The following NALCN variants were observed in gnomAD, a reference collection of about 807,000 sequenced individuals.
The protein encoded by NALCN is sodium leak channel NALCN.
In NALCN, 111 loss-of-function variants were observed where a neutral mutation model predicts 225.3. The ratio of observed to expected loss-of-function variants is 0.49; its 90% CI spans 0.42 to 0.58. The LOEUF (loss-of-function observed/expected upper bound fraction) is 0.58. Ranked by LOEUF, NALCN falls within the 20% of genes least tolerant of loss-of-function variation. NALCN has a pLI of 0.00. For missense variants in NALCN, 1,378 were observed against 2,202.4 expected (o/e 0.63, Z 7.49); for synonymous variants, 764 against 769.0 (o/e 0.99, Z 0.11).
chr13:101,118,158 G>C (rs185872922), intron 18 of NALCN, among the ~76,000 whole-genome samples: 2 of 152,140 alleles, frequency 1.3e-5, no homozygotes, highest in African/African-American at 2.4e-5. Flanking sequence ...GATAGTTGGG[G>C]AGACTGTGCC....
At chr13:101,106,090 G>A (rs1212046137) in intron 22 of NALCN, among the ~76,000 whole-genome samples, 1 of 152,176 alleles carries the variant, frequency 6.6e-6, no homozygotes, top group Non-Finnish European at 1.5e-5. Context: ...TGAGGGCTGT[G>A]AGGGAAAACC....
At chr13:101,101,826 A>T (rs552259894) in intron 26 of NALCN, among the ~76,000 whole-genome samples, 2 of 152,286 alleles carry the variant, frequency 1.3e-5, no homozygotes, top group East Asian at 3.9e-4. Flanking sequence ...AATAACCTAA[A>T]CATATACCTA....
intron 10 of NALCN, among the ~76,000 whole-genome samples, chr13:101,269,052 A>G (rs2042687711): frequency 1.3e-5 from 2 of 152,200 alleles, no homozygotes. Context: ...GACTTGGAAG[A>G]AAAATTAAGA....
intron 7 of NALCN, among the ~76,000 whole-genome samples, chr13:101,309,034 T>C (rs2044248844): frequency 6.6e-6 from 1 of 152,192 alleles, no homozygotes; most frequent in Non-Finnish European, 1.5e-5. Context: ...GAATATGAGA[T>C]TGTTACTTTT....
intron 10 of NALCN, among the ~76,000 whole-genome samples, chr13:101,269,241 T>TA (rs1566509203): frequency 6.8e-5 from 10 of 147,904 alleles, no homozygotes; most frequent in South Asian, 2.1e-4. Flanking sequence ...TATATATATA[T>TA]TTTAGCCTGG....
At chr13:101,329,409 T>A (rs1351204635) in intron 7 of NALCN, among the ~76,000 whole-genome samples, 1 of 152,192 alleles carries the variant, frequency 6.6e-6, no homozygotes, top group Non-Finnish European at 1.5e-5. Context: ...TTCTCAGTAC[T>A]CAATAATTAT....
chr13:101,409,520 T>TA (rs2139550577), intron 1 of NALCN, among the ~76,000 whole-genome samples: 1 of 152,310 alleles, frequency 6.6e-6, no homozygotes, highest in South Asian at 2.1e-4. Flanking sequence ...TACTCTATAT[T>TA]AATTATCCAG....
At chr13:101,409,675 C>G (rs956219141) in intron 1 of NALCN, among the ~76,000 whole-genome samples, 1 of 152,108 alleles carries the variant, frequency 6.6e-6, no homozygotes, top group African/African-American at 2.4e-5. Context: ...TGGTTTAAAA[C>G]AGTGGTTTTC....
chr13:101,329,895 CG>C (rs1177040563), intron 7 of NALCN, among the ~76,000 whole-genome samples: 47 of 151,566 alleles, frequency 3.1e-4, no homozygotes, highest in Admixed American at 3.1e-3. Context: ...AAAAATTAGC[CG>C]GGCGTGGTGG....
chr13:101,278,030 C>A (rs1409407087), intron 10 of NALCN, among the ~76,000 whole-genome samples: 4 of 152,106 alleles, frequency 2.6e-5, no homozygotes, highest in Admixed American at 1.3e-4. Context: ...AACTTTGGGT[C>A]AAATTTAAAA....
intron 15 of NALCN, among the ~76,000 whole-genome samples, chr13:101,171,428 C>CAT (rs2038713704): frequency 6.6e-6 from 1 of 150,524 alleles, no homozygotes; most frequent in South Asian, 2.1e-4. Flanking sequence ...AATAGATATA[C>CAT]ACACACACAC....
rs1303618808 is a variant in NALCN, at chr13:101,078,863, G to A, written c.3885+2664C>T. ...CACCCAAATCTCATCTTGAATTGTAGTTCCCATTATCTCCACATGTTGTGG... is the reference window on the plus strand; with the variant it reads ...CACCCAAATCTCATCTTGAATTGTAATTCCCATTATCTCCACATGTTGTGG... On this transcript the variant is annotated intron_variant, in intron 34 of 43. Transcript: ENST00000251127. 3.9e-5 allele frequency among the ~76,000 whole-genome samples: 6 copies of A among 152,292 alleles called. No homozygotes were observed. In the South Asian group the frequency reaches 6.2e-4, roughly 16 times the overall value.
intron 17 of NALCN, among the ~76,000 whole-genome samples, chr13:101,136,918 A>G (rs1283072156): frequency 6.6e-6 from 1 of 152,202 alleles, no homozygotes; most frequent in East Asian, 1.9e-4. Context: ...CGGTCCCACC[A>G]ACAGTGTAAA....
chr13:101,161,659 G>A (rs1484643816), intron 15 of NALCN, among the ~76,000 whole-genome samples: 1 of 152,208 alleles, frequency 6.6e-6, no homozygotes, highest in African/African-American at 2.4e-5. Context: ...ATCACCTGAG[G>A]TCAGGAGTTC....
Position 101,258,511 on chromosome 13 carries a change from C to T in NALCN, c.1198G>A (p.Val400Met), listed in dbSNP as rs781617741. 18 of 1,614,034 alleles carry T rather than the reference C, an allele frequency of 1.1e-5. No homozygotes were observed. Among genetic ancestry groups the T allele is most frequent in the Middle Eastern group, 3.3e-4 (2 of 6,084 alleles). The change falls in exon 11 of 44, where the codon GTG becomes ATG. Residue 400 changes from valine (V) to methionine (M), a missense_variant. This residue lies in a region of NALCN where 144 missense variants were observed against 187.7 expected (regional missense o/e 0.77). Transcript: ENST00000251127. ...CCTTTGTAGTAGTTGCTAGCCGCCA[C>T]GATCACGTCCACGGTCACCATGCTC... The part of the protein sequence containing the change: ...ILSMVTVDVI[V>M]AASNYYKGEN...
chr13:101,325,287 A>C (rs1050448531), intron 7 of NALCN, among the ~76,000 whole-genome samples: 6 of 152,212 alleles, frequency 3.9e-5, no homozygotes, highest in Non-Finnish European at 8.8e-5. Flanking sequence ...GTAGGAGCCA[A>C]AACACTGAAG....
intron 9 of NALCN, among the ~76,000 whole-genome samples, chr13:101,287,049 A>T (rs1420924032): frequency 1.3e-5 from 2 of 152,170 alleles, no homozygotes; most frequent in African/African-American, 4.8e-5. Context: ...AGAGACTAAG[A>T]TTGTTTCCAT....
chr13:101,318,331 T>C (rs1027842949), intron 7 of NALCN, among the ~76,000 whole-genome samples: 2 of 151,994 alleles, frequency 1.3e-5, no homozygotes, highest in African/African-American at 4.8e-5. Context: ...CTGGCTGCGG[T>C]GGGGTGGTCA....
intron 7 of NALCN, among the ~76,000 whole-genome samples, chr13:101,293,883 T>C (rs2043638832): frequency 6.6e-6 from 1 of 152,222 alleles, no homozygotes; most frequent in African/African-American, 2.4e-5. Context: ...ATTTTAAAAA[T>C]CATATTTTGT....
Sources: gnomAD v4.1 joint callset for allele counts (sites outside exome capture counted in the v4.1 genomes callset) on GRCh38, gnomAD v4.1.1 for gene constraint, gnomAD v4.1.1 regional missense constraint, MANE v1.5 for transcripts, NCBI Gene and HGNC (gene_info 2026-07-23, HGNC 2026-07-21) for gene names.